The following MTMR3 variants were observed in gnomAD, a reference collection of about 807,000 sequenced individuals.
MTMR3 encodes myotubularin related protein 3, also known as phosphatidylinositol-3,5-bisphosphate 3-phosphatase MTMR3.
In MTMR3, 32 loss-of-function variants were observed where a neutral mutation model predicts 132.4. That is an observed-to-expected ratio of 0.24 (90% CI 0.18 to 0.32). The LOEUF is 0.32. MTMR3 is among the 10% of genes least tolerant of loss of function. The pLI is 1.00. For missense variants in MTMR3, 1,216 were observed against 1,489.6 expected (o/e 0.82, Z 3.02); for synonymous variants, 556 against 550.3 (o/e 1.01, Z -0.14).
intron 3 of MTMR3, among the ~76,000 whole-genome samples, chr22:29,973,080 T>C (rs559199736): frequency 1.3e-5 from 2 of 152,362 alleles, no homozygotes; most frequent in South Asian, 2.1e-4. Context: ...TACTGTATAA[T>C]AGCATTTAGA....
chr22:29,970,060 AACTT>A (rs1220756232), intron 2 of MTMR3, among the ~76,000 whole-genome samples: 2 of 152,226 alleles, frequency 1.3e-5, no homozygotes, highest in East Asian at 3.9e-4. Context: ...AGAAAAGAGC[AACTT>A]ACTTACTCTT....
At position 29,933,733 on chromosome 22, in the gene MTMR3, GT is replaced by G. The variant is rs758195736; in HGVS notation, c.-137-23284del. Among the ~76,000 whole-genome samples, 391 of 124,094 alleles carry G rather than the reference GT, an allele frequency of 3.2e-3. 1 individual carries two copies. The highest frequency in any genetic ancestry group is 0.026 in the South Asian group (96 of 3,756). 81.4% of individuals were successfully genotyped at this position (124,094 alleles called of 152,430 possible). A position where few individuals can be genotyped will look rare whatever the true frequency, so the allele number is the denominator to read the frequency against. ...TGTAAACCCAACAGAGCAGTTCTGT[GT>G]TTTTTTTTTTTTTTTTTTAGGAGAC... On this transcript the variant is annotated intron_variant, in intron 1 of 19. Transcript: ENST00000401950.
chr22:30,030,640 G>GA lies in MTMR3; in HGVS notation c.*4839_*4840insA, dbSNP rs1200547714. 5 of 103,176 alleles carry GA rather than the reference G, an allele frequency of 4.8e-5. No homozygotes were observed. The highest frequency in any genetic ancestry group is 1.0e-4 in the Admixed American group (1 of 9,528). 6.4% of individuals were successfully genotyped at this position (103,176 alleles called of 1,614,324 possible). ...AGGGGCTCTCAGCGAGGAGGGGGCGGGGGGGGGGTCACTATTTATCTTCCA... is the reference window on the plus strand; with the variant it reads ...AGGGGCTCTCAGCGAGGAGGGGGCGGAGGGGGGGGTCACTATTTATCTTCCA... On this transcript the variant is annotated 3_prime_UTR_variant, in exon 20 of 20. Coordinates refer to ENST00000401950, the MANE Select transcript of MTMR3 (RefSeq NM_021090.4).
chr22:29,950,075 A>G (rs1177070812), intron 1 of MTMR3, among the ~76,000 whole-genome samples: 1 of 152,154 alleles, frequency 6.6e-6, no homozygotes, highest in Non-Finnish European at 1.5e-5. Context: ...TAATTTCCCA[A>G]AGGTAGACCT....
At chr22:29,922,052 G>C (rs899484390) in intron 1 of MTMR3, among the ~76,000 whole-genome samples, 3 of 150,640 alleles carry the variant, frequency 2.0e-5, no homozygotes, top group African/African-American at 7.3e-5. Context: ...TTGAGATGGA[G>C]TTTTGCCCTT....
chr22:30,007,310 G>A lies in MTMR3; in HGVS notation c.868G>A (p.Val290Met), dbSNP rs999063533. 14 of 1,613,908 alleles carry A rather than the reference G, an allele frequency of 8.7e-6. No homozygotes were observed. The highest frequency in any genetic ancestry group is 1.2e-5 in the Non-Finnish European group (14 of 1,179,996). ...DFPNGGDLSDVEFDSSLSNAS... is the reference protein window; with the variant it reads ...DFPNGGDLSDMEFDSSLSNAS... The stretch of plus-strand genomic sequence containing the variant: ...TCCCAATGGGGGAGACCTTTCTGAC[G>A]TGGAGTTCGGTAAGGTGCTCCCTGG... The change falls in exon 10 of 20, where the codon GTG becomes ATG. Residue 290 changes from valine to methionine, a missense_variant. Around this residue, in one of 7 missense-constraint regions of MTMR3, gnomAD observed 47 missense variants for 46.8 expected, o/e 1.00. Transcript: ENST00000401950.
intron 1 of MTMR3, among the ~76,000 whole-genome samples, chr22:29,908,640 C>A (rs541079949): frequency 6.6e-6 from 1 of 151,160 alleles, no homozygotes; most frequent in East Asian, 1.9e-4. Flanking sequence ...ATGTCTTTTT[C>A]ATTTTGTTGA....
chr22:29,938,340 A>G (rs942660937), intron 1 of MTMR3, among the ~76,000 whole-genome samples: 1 of 152,190 alleles, frequency 6.6e-6, no homozygotes, highest in African/African-American at 2.4e-5. Flanking sequence ...TCTTGAGTTT[A>G]TAATTTTCGC....
chr22:29,962,928 A>C (rs954676490), intron 2 of MTMR3, among the ~76,000 whole-genome samples: 1 of 95,876 alleles, frequency 1.0e-5, no homozygotes, highest in Non-Finnish European at 2.1e-5. Flanking sequence ...TTTTTTTTTG[A>C]GACAGGGTCT....
At chr22:29,928,439 T>C (rs1271361343) in intron 1 of MTMR3, among the ~76,000 whole-genome samples, 2 of 152,106 alleles carry the variant, frequency 1.3e-5, no homozygotes, top group Admixed American at 1.3e-4. Flanking sequence ...CCCAAAGTGG[T>C]GGGATTACAG....
At chr22:29,937,644 A>C (rs1241158521) in intron 1 of MTMR3, among the ~76,000 whole-genome samples, 2 of 152,194 alleles carry the variant, frequency 1.3e-5, no homozygotes, top group Admixed American at 6.5e-5. Flanking sequence ...TAGTATCACT[A>C]TGTATAATTC....
At chr22:29,942,265 T>C (rs1344041506) in intron 1 of MTMR3, among the ~76,000 whole-genome samples, 1 of 152,086 alleles carries the variant, frequency 6.6e-6, no homozygotes, top group Non-Finnish European at 1.5e-5. Flanking sequence ...AACCAGCAAG[T>C]TTTTATTAGC....
intron 1 of MTMR3, among the ~76,000 whole-genome samples, chr22:29,913,469 CTT>C (rs1365117280): frequency 6.6e-6 from 1 of 152,136 alleles, no homozygotes; most frequent in East Asian, 1.9e-4. Flanking sequence ...ACCTTTGACT[CTT>C]TTTGCTGCCA....
intron 2 of MTMR3, among the ~76,000 whole-genome samples, chr22:29,964,721 C>G (rs2066379966): frequency 6.6e-6 from 1 of 152,146 alleles, no homozygotes; most frequent in Non-Finnish European, 1.5e-5. Flanking sequence ...TCTCCTGGTT[C>G]TCTTCTTTAT....
rs150510640 is a variant in MTMR3 at position 30,020,681 on chromosome 22, G to C, written c.3022G>C (p.Asp1008His). The change falls in exon 17 of 20, where the codon GAC becomes CAC. Residue 1008 changes from aspartate to histidine, a missense_variant. Coordinates refer to ENST00000401950, the MANE Select transcript of MTMR3 (RefSeq NM_021090.4). Reference sequence around the variant, plus strand: ...AAGGCCATCTGCAACCAGCAGCCCCGACCAGCCTTCCCGCAGCCACCTGGA... The same window carrying C: ...AAGGCCATCTGCAACCAGCAGCCCCCACCAGCCTTCCCGCAGCCACCTGGA... ...SGRPSATSSP[D>H]QPSRSHLDDD... 6.2e-7 allele frequency: 1 copy of C among 1,614,168 alleles called. No individual in the cohort carries two copies. Among genetic ancestry groups the C allele is most frequent in the Non-Finnish European group, 8.5e-7 (1 of 1,180,036 alleles).
rs143081556 is a variant in MTMR3, at chr22:29,911,306, G to A, written c.-138+27947G>A. On this transcript the variant is annotated intron_variant, in intron 1 of 19. Coordinates refer to ENST00000401950, the MANE Select transcript of MTMR3 (RefSeq NM_021090.4). Reference sequence around the variant, plus strand: ...CACCTGTAATCACAGCACTTTGGGAGGCTGAGGCAAGACGATTGCTTGAGC... The same window carrying A: ...CACCTGTAATCACAGCACTTTGGGAAGCTGAGGCAAGACGATTGCTTGAGC... Among the ~76,000 whole-genome samples the A allele has an allele frequency of 5.1e-4, 77 of 152,298 alleles. No homozygotes were observed. The East Asian group carries it at 0.011, about 22-fold the overall frequency.
chr22:29,889,527 T>G (rs1361927753), intron 1 of MTMR3, among the ~76,000 whole-genome samples: 1 of 152,038 alleles, frequency 6.6e-6, no homozygotes, highest in Non-Finnish European at 1.5e-5. Flanking sequence ...CCTCAGGTGA[T>G]CCGCCTGCCT....
chr22:29,972,659 C>T (rs2066558410), intron 3 of MTMR3, among the ~76,000 whole-genome samples: 1 of 152,186 alleles, frequency 6.6e-6, no homozygotes, highest in African/African-American at 2.4e-5. Flanking sequence ...CAACCTCCAC[C>T]TACTGGGTTC....
chr22:29,895,729 TG>T (rs925464904), intron 1 of MTMR3, among the ~76,000 whole-genome samples: 31 of 152,296 alleles, frequency 2.0e-4, no homozygotes, highest in African/African-American at 7.0e-4. Context: ...TTGGTTTTAC[TG>T]GGATTCAGAA....
Sources: allele counts gnomAD v4.1 joint callset (sites outside exome capture counted in the v4.1 genomes callset), GRCh38; gene constraint gnomAD v4.1.1; regional missense constraint gnomAD v4.1.1; transcripts MANE v1.5; gene names NCBI Gene and HGNC (gene_info 2026-07-23, HGNC 2026-07-21).